Variants in BRD8 observed in about 807,000 individuals in gnomAD.
BRD8 encodes the protein bromodomain containing 8.
In BRD8, 67 loss-of-function variants were observed where a neutral mutation model predicts 143.1. The ratio of observed to expected loss-of-function variants is 0.47; its 90% CI spans 0.38 to 0.57. The LOEUF is 0.57. Among genes scored for constraint, BRD8 ranks in the 20% least tolerant of loss-of-function variants. BRD8 has a pLI of 0.00. For missense variants in BRD8, 1,103 were observed against 1,503.0 expected (o/e 0.73, Z 4.40); for synonymous variants, 505 against 517.1 (o/e 0.98, Z 0.32).
At chr5:138,153,053 AT>A (rs372373308) in intron 20 of BRD8, among the ~76,000 whole-genome samples, 27 of 152,326 alleles carry the variant, frequency 1.8e-4, no homozygotes, top group African/African-American at 6.3e-4. Flanking sequence ...AATTCCTCAT[AT>A]TCACACCAAA....
In BRD8 at chr5:138,169,349, G is replaced by A; in HGVS notation, c.515C>T (p.Ala172Val). The A allele has an allele frequency of 6.2e-7, 1 of 1,613,606 alleles. No homozygotes were observed. Among genetic ancestry groups the A allele is most frequent in the Non-Finnish European group, 8.5e-7 (1 of 1,179,830 alleles). ...ATDAAYQARQ[A>V]VKTPPRRLPT... ...TAACCTCCGGGGGGGTGTTTTTACT[G>A]CTTGACGAGCTAGAACATAAAAGAG... Residue 172 changes from alanine (A) to valine (V), a missense_variant, in exon 8 of 27, where the codon GCA (alanine) becomes GTA (valine). Ala to Val is a moderately conservative substitution (Grantham distance 64). Around this residue, in one of 7 missense-constraint regions of BRD8, gnomAD observed 334 missense variants for 372.5 expected, o/e 0.90. Transcript: ENST00000254900.
At chr5:138,156,537 G>C (rs1186602214) in intron 20 of BRD8, among the ~76,000 whole-genome samples, 2 of 152,128 alleles carry the variant, frequency 1.3e-5, no homozygotes, top group Admixed American at 6.6e-5. Context: ...CATTAAGTGA[G>C]ACAAATGTTC....
Position 138,152,761 on chromosome 5 carries a change from C to T in BRD8, c.2578-1G>A, listed in dbSNP as rs1752421570. On this transcript the variant is annotated splice_acceptor_variant, in intron 20 of 26. Coordinates refer to ENST00000254900, the MANE Select transcript of BRD8 (RefSeq NM_139199.2). LOFTEE classifies it high-confidence loss of function. ...CCAGCCAAACCCACTCGTGTCCCAT[C>T]TGTAAATACACAGGAAAACATGCAT... 5.6e-6 allele frequency: 9 copies of T among 1,611,972 alleles called. No homozygotes were observed. Among genetic ancestry groups the T allele is most frequent in the Non-Finnish European group, 7.6e-6 (9 of 1,178,338 alleles).
At chr5:138,145,358 C>T (rs1036509179) in intron 24 of BRD8, 113 bp from the exon 25 acceptor site, 3 of 827,456 alleles carry the variant, frequency 3.6e-6, no homozygotes, top group Non-Finnish European at 5.7e-6. Flanking sequence ...ACTGTCAGCA[C>T]CATTAGGAAA....
intron 23 of BRD8, among the ~76,000 whole-genome samples, chr5:138,147,492 G>C (rs1186990899): frequency 6.6e-6 from 1 of 151,614 alleles, no homozygotes. Context: ...GCTGGAAAAA[G>C]AACAATTTAT....
intron 20 of BRD8, chr5:138,157,293 G>C: frequency 6.2e-7 from 1 of 1,613,636 alleles, no homozygotes; most frequent in Non-Finnish European, 8.5e-7. Context: ...AGAAAGAAAG[G>C]GAGCATGAGT....
At chr5:138,149,150 C>T (rs529682708) in intron 23 of BRD8, among the ~76,000 whole-genome samples, 1 of 152,004 alleles carries the variant, frequency 6.6e-6, no homozygotes, top group East Asian at 2.0e-4. Flanking sequence ...TGGAGTGATA[C>T]AGACTTGGCT....
rs748186283 is a variant in BRD8 at position 138,152,699 on chromosome 5, C to G, written c.2639G>C (p.Ser880Thr). Residue 880 changes from serine to threonine, a missense_variant, in exon 21 of 27, where the codon AGC (serine) becomes ACC (threonine). This residue lies in a region of BRD8 where 369 missense variants were observed against 445.5 expected (regional missense o/e 0.83). Transcript: ENST00000254900. ...GCTGAAGAGGGACCTGCAGTCATTGCTCAACTCAGAGTCATTGGGATGATC... is the reference window on the plus strand; with the variant it reads ...GCTGAAGAGGGACCTGCAGTCATTGGTCAACTCAGAGTCATTGGGATGATC... ...EQDHPNDSEL[S>T]NDCRSLFSSW... is the part of the protein sequence containing the mutation. 2.5e-6 allele frequency: 4 copies of G among 1,614,200 alleles called. No homozygotes were observed. In the East Asian group the frequency reaches 6.7e-5, roughly 27 times the overall value.
At chr5:138,140,963 C>T in intron 25 of BRD8, 81 bp from the exon 26 acceptor site, 2 of 1,410,808 alleles carry the variant, frequency 1.4e-6, no homozygotes, top group Non-Finnish European at 2.0e-6. Context: ...TCTTGAAGAA[C>T]TAACCAGTTC....
At chr5:138,154,816 TAAA>T (rs950489198) in intron 20 of BRD8, among the ~76,000 whole-genome samples, 5 of 151,272 alleles carry the variant, frequency 3.3e-5, no homozygotes, top group African/African-American at 7.3e-5. Context: ...ATGTTTATAA[TAAA>T]AAGTTCATAA....
chr5:138,158,190 A>T (rs550998160), intron 20 of BRD8, among the ~76,000 whole-genome samples: 3 of 152,090 alleles, frequency 2.0e-5, no homozygotes, highest in Non-Finnish European at 4.4e-5. Flanking sequence ...CTGGACAAGT[A>T]CCTCATTATA....
At chr5:138,177,901 C>T (rs1423491323) in intron 1 of BRD8, among the ~76,000 whole-genome samples, 1 of 152,152 alleles carries the variant, frequency 6.6e-6, no homozygotes, top group Non-Finnish European at 1.5e-5. Flanking sequence ...TTTCTTAAAA[C>T]GCCATGGCTT....
At chr5:138,144,913 A>T (rs1752081152) in intron 25 of BRD8, among the ~76,000 whole-genome samples, 1 of 144,586 alleles carries the variant, frequency 6.9e-6, no homozygotes, top group East Asian at 2.0e-4. Flanking sequence ...AAAAAAAAAA[A>T]AAAAAATATA....
At chr5:138,152,859 A>C in intron 20 of BRD8, 99 bp from the exon 21 acceptor site, 1 of 1,230,524 alleles carries the variant, frequency 8.1e-7, no homozygotes, top group Non-Finnish European at 1.1e-6. Context: ...GGGGCCAGAA[A>C]TTTATTTGTA....
intron 19 of BRD8, among the ~76,000 whole-genome samples, 176 bp downstream of exon 19, chr5:138,159,893 C>T (rs577895529): frequency 2.9e-4 from 44 of 152,176 alleles, no homozygotes; most frequent in Non-Finnish European, 5.4e-4. Flanking sequence ...CTTTCGGTTA[C>T]AATAGGCTTA....
chr5:138,177,721 T>C, intron 1 of BRD8, 54 bp from the exon 2 acceptor site: 1 of 1,085,774 alleles, frequency 9.2e-7, no homozygotes, highest in Non-Finnish European at 1.4e-6. Context: ...GAGACTGTAG[T>C]GCTAAGCTCC....
Position 138,163,088 on chromosome 5 carries a change from C to T in BRD8, c.2087+42G>A, listed in dbSNP as rs781344451. On this transcript the variant is annotated intron_variant, in intron 15 of 26. Transcript: ENST00000254900. ...AGGAAGGAAAAGATCCTCTCCTCAC[C>T]TTCACTGCCTTGGCCTCAAAGAAAG... 4.5e-6 allele frequency: 7 copies of T among 1,566,540 alleles called. No homozygotes were observed. The East Asian group carries it at 6.7e-5, about 15-fold the overall frequency.
In BRD8 at chr5:138,177,391, C is replaced by T. The variant is rs1195269530; in HGVS notation, c.116+180G>A. 9.4e-6 allele frequency: 4 copies of T among 423,868 alleles called. No individual in the cohort carries two copies. In the East Asian group the frequency reaches 1.2e-4, roughly 12 times the overall value. The allele number at this position is 423,868 out of a possible 1,614,324, so 26.3% of individuals were successfully genotyped here. A position where few individuals can be genotyped will look rare whatever the true frequency, so the allele number is the denominator to read the frequency against. On this transcript the variant is annotated intron_variant, in intron 2 of 26. Transcript: ENST00000254900. ...CTAAAAAATACAAAAATTAGCTGGG[C>T]GTGTCCGCACCACTGCACTCCAGCC...
chr5:138,140,555 T>C, intron 26 of BRD8, 150 bp downstream of exon 26: 1 of 905,402 alleles, frequency 1.1e-6, no homozygotes, highest in Non-Finnish European at 1.7e-6. Context: ...CTCAGGGTTT[T>C]CCAAACCAGC....
Sources: allele counts gnomAD v4.1 joint callset (sites outside exome capture counted in the v4.1 genomes callset), GRCh38; gene constraint gnomAD v4.1.1; regional missense constraint gnomAD v4.1.1; transcripts MANE v1.5; gene names NCBI Gene and HGNC (gene_info 2026-07-23, HGNC 2026-07-21).